TBCD: variants seen among roughly 807,000 people sequenced by gnomAD.
TBCD encodes the protein tubulin-specific chaperone D.
A neutral mutation model predicts 169.3 loss-of-function variants in TBCD; 105 were observed. The ratio of observed to expected loss-of-function variants is 0.62; its 90% CI spans 0.53 to 0.73. The LOEUF (loss-of-function observed/expected upper bound fraction) is 0.73. Among genes scored for constraint, TBCD ranks in the 30% least tolerant of loss-of-function variants. The probability of loss-of-function intolerance (pLI) is 0.00; values close to 1 mark genes in which losing one functional copy is unlikely to be tolerated. For missense variants in TBCD, 1,444 were observed against 1,600.1 expected (o/e 0.90, Z 1.66); for synonymous variants, 700 against 643.9 (o/e 1.09, Z -1.32).
intron 15 of TBCD, among the ~76,000 whole-genome samples, chr17:82,887,889 T>A (rs568844187): frequency 6.6e-6 from 1 of 152,314 alleles, no homozygotes; most frequent in Admixed American, 6.5e-5. Context: ...CTGTACCTCC[T>A]CTTTGGTGAA....
intron 1 of TBCD, 149 bp downstream of exon 1, chr17:82,752,526 C>A: frequency 1.6e-6 from 1 of 631,422 alleles, no homozygotes; most frequent in Non-Finnish European, 2.1e-6. Context: ...TGGTGGGGCG[C>A]GGCCTTCCTA....
Position 82,921,740 on chromosome 17 carries a change from G to A in TBCD, c.2178+163G>A, listed in dbSNP as rs144255846. 5.8e-3 allele frequency among the ~76,000 whole-genome samples: 880 copies of A among 152,270 alleles called. 8 individuals are homozygous for A. The highest frequency in any genetic ancestry group is 0.024 in the East Asian group (122 of 5,174). On this transcript the variant is annotated intron_variant, in intron 25 of 38. Coordinates refer to ENST00000355528, the MANE Select transcript of TBCD (RefSeq NM_005993.5). The stretch of plus-strand genomic sequence containing the variant: ...TCTATTTGGAATCCCGGATGGTAGC[G>A]TCTACACGGTTTATAACCAGAAAAT...
At chr17:82,770,498 C>G (rs1275857472) in intron 5 of TBCD, among the ~76,000 whole-genome samples, 1 of 151,604 alleles carries the variant, frequency 6.6e-6, no homozygotes, top group Non-Finnish European at 1.5e-5. Context: ...ACTCAGGAGG[C>G]TGAGGCAGAA....
intron 20 of TBCD, among the ~76,000 whole-genome samples, chr17:82,907,070 G>A (rs2099130975): frequency 6.6e-6 from 1 of 152,232 alleles, no homozygotes; most frequent in Non-Finnish European, 1.5e-5. Flanking sequence ...ACTGGGGTCT[G>A]GCCACGTGGG....
At chr17:82,830,438 T>C in intron 13 of TBCD, 1 of 1,612,068 alleles carries the variant, frequency 6.2e-7, no homozygotes, top group South Asian at 1.1e-5. Flanking sequence ...TCCTCGCTGC[T>C]GTCCACCGCG....
rs2062148498 is a variant in TBCD at position 82,930,930 on chromosome 17, C to G, written c.3113+287C>G. 6.6e-6 allele frequency among the ~76,000 whole-genome samples: 1 copy of G among 152,188 alleles called. No homozygotes were observed. Among genetic ancestry groups the G allele is most frequent in the African/African-American group, 2.4e-5 (1 of 41,444 alleles). On this transcript the variant is annotated intron_variant, in intron 33 of 38. Transcript: ENST00000355528. The surrounding 1 kb of genome is among the most constrained non-coding windows in gnomAD (Gnocchi z 5.2). ...AAAGGTAGTATGAGTACAAGGTGGT[C>G]CCTGTGTGTAGGAAGGCGTTGTGGG... is the stretch of plus-strand genomic sequence containing the variant.
At chr17:82,918,104 C>G (rs961145294) in intron 23 of TBCD, among the ~76,000 whole-genome samples, 3 of 152,320 alleles carry the variant, frequency 2.0e-5, no homozygotes, top group East Asian at 3.9e-4. Flanking sequence ...GCTTCCCATG[C>G]TTCCTCCGCG....
At chr17:82,772,421 GA>G in intron 5 of TBCD, 30 bp from the exon 6 acceptor site, 1 of 1,613,632 alleles carries the variant, frequency 6.2e-7, no homozygotes, top group South Asian at 1.1e-5. Context: ...GTGCAGGAGT[GA>G]CCGTGTCTGT....
At position 82,929,844 on chromosome 17, in the gene TBCD, G is replaced by A. The variant is rs185780019; in HGVS notation, c.2991+344G>A. The A allele has an allele frequency of 1.3e-3, 579 of 435,378 alleles. 5 individuals carry two copies. Among genetic ancestry groups the A allele is most frequent in the South Asian group, 6.4e-3 (297 of 46,132 alleles). 27.0% of individuals were successfully genotyped at this position (435,378 alleles called of 1,614,324 possible). ...CCTGGGCTCCATCAGGTTCTAGATC[G>A]GCCTCCGCCCTCCACTTTCAGGGCT... On this transcript the variant is annotated intron_variant, in intron 32 of 38. Coordinates refer to ENST00000355528, the MANE Select transcript of TBCD (RefSeq NM_005993.5).
chr17:82,839,136 T>A (rs1435812024), intron 13 of TBCD, among the ~76,000 whole-genome samples: 1 of 152,250 alleles, frequency 6.6e-6, no homozygotes, highest in Non-Finnish European at 1.5e-5. Flanking sequence ...CATGTAAGCT[T>A]ATGTACTTAT....
At chr17:82,840,277 A>G (rs1231933368) in intron 13 of TBCD, 3 of 152,218 alleles carry the variant, frequency 2.0e-5, no homozygotes, top group African/African-American at 7.2e-5. Flanking sequence ...AGGGCTTTCG[A>G]TGTGTCCGCA....
intron 14 of TBCD, among the ~76,000 whole-genome samples, chr17:82,873,454 G>T (rs8075467): frequency 0.25 from 38,367 of 152,016 alleles, 4,855 homozygotes; most frequent in Middle Eastern, 0.31. Flanking sequence ...CCACTGGAGG[G>T]TGACTGTAAT....
At chr17:82,827,256 A>T (rs1249283161) in intron 13 of TBCD, among the ~76,000 whole-genome samples, 1 of 152,186 alleles carries the variant, frequency 6.6e-6, no homozygotes, top group Non-Finnish European at 1.5e-5. Context: ...CTGTGAAGTG[A>T]TGCGTTGACA....
At chr17:82,754,280 C>T (rs536303074) in intron 1 of TBCD, among the ~76,000 whole-genome samples, 3 of 152,058 alleles carry the variant, frequency 2.0e-5, no homozygotes, top group Admixed American at 1.3e-4. Context: ...ATAGGGGAGT[C>T]GGAAATGATC....
rs1598411138 is a variant in TBCD, at chr17:82,768,696, T to C, written c.582+130T>C. The C allele has an allele frequency of 4.1e-6, 4 of 980,922 alleles. No homozygotes were observed. In the East Asian group the frequency reaches 1.1e-4, roughly 27 times the overall value. The allele number at this position is 980,922 out of a possible 1,614,324, so 60.8% of individuals were successfully genotyped here. A position where few individuals can be genotyped will look rare whatever the true frequency, so the allele number is the denominator to read the frequency against. Reference sequence around the variant, plus strand: ...TGCTGTTTTTTTCAGTGGGGTAAAATCCCATAGGATAACTTATTTTGAAAT... The same window carrying C: ...TGCTGTTTTTTTCAGTGGGGTAAAACCCCATAGGATAACTTATTTTGAAAT... On this transcript the variant is annotated intron_variant, in intron 5 of 38. Coordinates refer to ENST00000355528, the MANE Select transcript of TBCD (RefSeq NM_005993.5).
At chr17:82,859,157 A>G (rs2056557555) in intron 13 of TBCD, among the ~76,000 whole-genome samples, 2 of 148,070 alleles carry the variant, frequency 1.4e-5, no homozygotes, top group African/African-American at 5.1e-5. Context: ...ACTGGCTTTC[A>G]GGGAAGGGGA....
intron 7 of TBCD, among the ~76,000 whole-genome samples, chr17:82,786,304 T>C (rs988436515): frequency 1.3e-5 from 2 of 152,064 alleles, no homozygotes; most frequent in African/African-American, 4.8e-5. Context: ...ACATCTCAGG[T>C]CAGGGGAGCA....
chr17:82,799,561 C>T (rs1019179919), intron 8 of TBCD, among the ~76,000 whole-genome samples: 88 of 151,914 alleles, frequency 5.8e-4, no homozygotes, highest in African/African-American at 2.0e-3. Context: ...GAATGGCGTG[C>T]ACGCCCCGTG....
chr17:82,775,894 TAAAA>T (rs960458798), intron 6 of TBCD, among the ~76,000 whole-genome samples: 2 of 151,616 alleles, frequency 1.3e-5, no homozygotes, highest in East Asian at 1.9e-4. Flanking sequence ...AGTATAATAA[TAAAA>T]AAATTAAAAA....
Sources: gnomAD v4.1 joint callset for allele counts (sites outside exome capture counted in the v4.1 genomes callset) on GRCh38, gnomAD v4.1.1 for gene constraint, Gnocchi (gnomAD v3.1) non-coding constraint, MANE v1.5 for transcripts, NCBI Gene and HGNC (gene_info 2026-07-23, HGNC 2026-07-21) for gene names.